The following REV3L variants were observed in gnomAD, a reference collection of about 807,000 sequenced individuals.
REV3L encodes the protein DNA polymerase zeta catalytic subunit.
A neutral mutation model predicts 299.4 loss-of-function variants in REV3L; 69 were observed. That is an observed-to-expected ratio of 0.23 (90% CI 0.19 to 0.28). The LOEUF is 0.28. Among genes scored for constraint, REV3L ranks in the 10% least tolerant of loss-of-function variants. The pLI is 1.00. For missense variants in REV3L, 3,128 were observed against 3,693.8 expected, an observed-to-expected ratio of 0.85 and a Z score of 3.97; for synonymous variants, 1,238 against 1,271.4, an observed-to-expected ratio of 0.97 and a Z score of 0.56.
At chr6:111,314,828 A>G (rs1317627585) in intron 27 of REV3L, among the ~76,000 whole-genome samples, 1 of 151,876 alleles carries the variant, frequency 6.6e-6, no homozygotes, top group Non-Finnish European at 1.5e-5. Context: ...AAAATTATAC[A>G]AAAGAGAAAA....
rs780586306 is a variant in REV3L at position 111,299,930 on chromosome 6, C to A, written c.*86G>T. On this transcript the variant is annotated 3_prime_UTR_variant, in exon 32 of 32. Transcript: ENST00000368802. ...TAACAGACAGTGAACATCCTTGACT[C>A]GATGAAAGTTAAAAAGCACCATGCA... The A allele has an allele frequency of 9.1e-6, 12 of 1,313,396 alleles. No individual in the cohort carries two copies. Among genetic ancestry groups the A allele is most frequent in the Non-Finnish European group, 1.3e-5 (12 of 959,498 alleles). 81.4% of individuals were successfully genotyped at this position (1,313,396 alleles called of 1,614,324 possible). A position where few individuals can be genotyped will look rare whatever the true frequency, so the allele number is the denominator to read the frequency against.
intron 1 of REV3L, among the ~76,000 whole-genome samples, chr6:111,429,061 G>A (rs957387448): frequency 6.6e-6 from 1 of 152,070 alleles, no homozygotes; most frequent in African/African-American, 2.4e-5. Context: ...ATAAAGGCCA[G>A]GAAAGAGTGG....
chr6:111,417,123 A>G (rs1784856450), intron 1 of REV3L, among the ~76,000 whole-genome samples: 2 of 152,194 alleles, frequency 1.3e-5, no homozygotes, highest in Non-Finnish European at 2.9e-5. Context: ...AAGGGGAGAC[A>G]AAAGGCCAAC....
At chr6:111,431,820 T>C in intron 1 of REV3L, 1 of 584,590 alleles carries the variant, frequency 1.7e-6, no homozygotes, top group South Asian at 2.3e-5. Context: ...ATGTACATAC[T>C]TTTTCATTCT....
chr6:111,480,188 T>C (rs1430777214), intron 1 of REV3L, among the ~76,000 whole-genome samples: 5 of 152,226 alleles, frequency 3.3e-5, no homozygotes, highest in African/African-American at 1.2e-4. Flanking sequence ...GTAATTCTTA[T>C]ATATGAAAAA....
chr6:111,377,410 C>T (rs1487018779), intron 12 of REV3L, among the ~76,000 whole-genome samples: 1 of 152,114 alleles, frequency 6.6e-6, no homozygotes, highest in Non-Finnish European at 1.5e-5. Context: ...AATCACAGCT[C>T]ACTGCAGCCT....
intron 23 of REV3L, among the ~76,000 whole-genome samples, chr6:111,332,038 A>C (rs1007461487): frequency 2.6e-5 from 4 of 152,122 alleles, no homozygotes; most frequent in Non-Finnish European, 5.9e-5. Flanking sequence ...TGAAATACCA[A>C]ATTTCAACTC....
intron 1 of REV3L, among the ~76,000 whole-genome samples, chr6:111,472,469 T>C (rs183268424): frequency 3.3e-5 from 5 of 152,132 alleles, no homozygotes; most frequent in African/African-American, 1.2e-4. Context: ...TATATAGTAG[T>C]AATGCTCTCT....
Position 111,372,914 on chromosome 6 carries a change from G to A in REV3L, c.5441C>T (p.Ala1814Val), listed in dbSNP as rs1015979589. ...GAGTATTGCAGTAAAAGAGGTATTG[G>A]CTGAGTCAAGAGACTGTCCCATTTC... ...RKEMGQSLDS[A>V]NTSFTAILSS... is the part of the protein sequence containing the mutation. Residue 1814 changes from alanine to valine, a missense_variant, in exon 13 of 32, where the codon GCC (alanine) becomes GTC (valine). Ala to Val is a moderately conservative substitution (Grantham distance 64). Transcript: ENST00000368802. 2.9e-5 allele frequency: 46 copies of A among 1,613,914 alleles called. No homozygotes were observed. Among genetic ancestry groups the A allele is most frequent in the Non-Finnish European group, 3.7e-5 (44 of 1,179,996 alleles).
intron 1 of REV3L, among the ~76,000 whole-genome samples, chr6:111,456,810 T>C (rs1490274543): frequency 1.3e-5 from 2 of 152,156 alleles, no homozygotes; most frequent in Admixed American, 6.5e-5. Context: ...GTAAATTTAA[T>C]AGAAGCGTAT....
At position 111,375,019 on chromosome 6, in the gene REV3L, A is replaced by T; in HGVS notation, c.3336T>A (p.Phe1112Leu). The T allele has an allele frequency of 6.2e-7, 1 of 1,613,722 alleles. No individual in the cohort carries two copies. The highest frequency in any genetic ancestry group is 1.1e-5 in the South Asian group (1 of 90,904). Residue 1112 changes from phenylalanine (F) to leucine (L), a missense_variant, in exon 13 of 32, where the codon TTT becomes TTA. Phe to Leu is a conservative substitution (Grantham distance 22, BLOSUM62 0). Transcript: ENST00000368802. ...TGGGACTTGTGCTTCTCTCAGAAAG[A>T]AAACCTAGTTTAGACATAACATCAC... Reference protein sequence around the residue: ...NYSDVMSKLGFLSERSTSPIN... With the variant: ...NYSDVMSKLGLLSERSTSPIN...
At chr6:111,338,216 G>GAGTTACCA (rs1405997426) in intron 21 of REV3L, among the ~76,000 whole-genome samples, 3 of 150,496 alleles carry the variant, frequency 2.0e-5, no homozygotes, top group Non-Finnish European at 4.4e-5. Flanking sequence ...TTCAGGAGAA[G>GAGTTACCA]AGTTACCAAT....
intron 22 of REV3L, among the ~76,000 whole-genome samples, 182 bp from the exon 23 acceptor site, chr6:111,333,549 A>G (rs1311619428): frequency 6.6e-6 from 1 of 151,606 alleles, no homozygotes; most frequent in Non-Finnish European, 1.5e-5. Flanking sequence ...ATTGCGGCTC[A>G]CTGCAACCTC....
rs775199706 is a variant in REV3L, at chr6:111,367,669, G to A, written c.6119C>T (p.Ser2040Leu). The change falls in exon 14 of 32, where the codon TCA becomes TTA. Residue 2040 changes from serine to leucine, a missense_variant. By Grantham distance (145) the Ser-to-Leu change is moderately radical (BLOSUM62 -2). Transcript: ENST00000368802. ...TACAGGTTTGTCATCTGGGTTAACT[G>A]AAGAGCTAAAGTTCTCAGCAGATTT... ...VVKSAENFSS[S>L]VNPDDKPVVP... The A allele has an allele frequency of 3.7e-6, 6 of 1,614,184 alleles. No individual in the cohort carries two copies. Among genetic ancestry groups the A allele is most frequent in the Non-Finnish European group, 5.1e-6 (6 of 1,180,036 alleles).
intron 1 of REV3L, among the ~76,000 whole-genome samples, chr6:111,446,092 T>C (rs1293792478): frequency 2.0e-5 from 3 of 152,226 alleles, no homozygotes; most frequent in Non-Finnish European, 4.4e-5. Flanking sequence ...ATACATAATG[T>C]AGCCCTTTAC....
At chr6:111,319,183 C>T (rs1355055510) in intron 26 of REV3L, among the ~76,000 whole-genome samples, 2 of 152,084 alleles carry the variant, frequency 1.3e-5, no homozygotes, top group South Asian at 2.1e-4. Context: ...TTATTATTGG[C>T]TGGGTGCGGT....
intron 1 of REV3L, among the ~76,000 whole-genome samples, chr6:111,439,720 T>G (rs1582999664): frequency 6.6e-6 from 1 of 152,044 alleles, no homozygotes; most frequent in Admixed American, 6.5e-5. Context: ...CAAGAAAAGG[T>G]CATGGTCACA....
At position 111,365,291 on chromosome 6, in the gene REV3L, T is replaced by G. The variant is rs771676798; in HGVS notation, c.6727A>C (p.Arg2243=). 6.4e-7 allele frequency: 1 copy of G among 1,569,992 alleles called. No homozygotes were observed. The highest frequency in any genetic ancestry group is 2.3e-5 in the East Asian group (1 of 42,928). Residue 2243 remains arginine (R), a synonymous_variant, in exon 15 of 32, where the codon AGA becomes CGA. Coordinates refer to ENST00000368802, the MANE Select transcript of REV3L (RefSeq NM_001372078.1). ...NKKGSNTDTL[R]RVLLTQAKNQ... ...TTTGCTTGTGTTAACAGTACTCTTC[T>G]AAGAGTGTCAGTATTACTTCCTTTC...
rs748536710 is a variant in REV3L at position 111,299,294 on chromosome 6, A to C, written c.*722T>G. 6.6e-6 allele frequency: 1 copy of C among 152,594 alleles called. No individual in the cohort carries two copies. The highest frequency in any genetic ancestry group is 2.1e-4 in the South Asian group (1 of 4,834). 9.5% of individuals were successfully genotyped at this position (152,594 alleles called of 1,614,324 possible). A position where few individuals can be genotyped will look rare whatever the true frequency, so the allele number is the denominator to read the frequency against. ...ATACAAAACAAGCAAATGGAATAAA[A>C]TTTTTTATTTTTAAAGTATTGCAAC... On this transcript the variant is annotated 3_prime_UTR_variant, in exon 32 of 32. Coordinates refer to ENST00000368802, the MANE Select transcript of REV3L (RefSeq NM_001372078.1).
Sources: gnomAD v4.1 joint callset for allele counts (sites outside exome capture counted in the v4.1 genomes callset) on GRCh38, gnomAD v4.1.1 for gene constraint, MANE v1.5 for transcripts, NCBI Gene and HGNC (gene_info 2026-07-23, HGNC 2026-07-21) for gene names.